Variants in RABGAP1L observed in about 807,000 individuals in gnomAD.
The protein encoded by RABGAP1L is RAB GTPase activating protein 1 like.
A neutral mutation model predicts 137.7 loss-of-function variants in RABGAP1L; 63 were observed. That is an observed-to-expected ratio of 0.46 (90% CI 0.37 to 0.56). The LOEUF (loss-of-function observed/expected upper bound fraction) is 0.56. Among genes scored for constraint, RABGAP1L ranks in the 20% least tolerant of loss-of-function variants. RABGAP1L has a pLI of 0.00. For synonymous variants in RABGAP1L, 431 were observed against 433.7 expected (o/e 0.99, Z 0.08); for missense variants, 1,095 against 1,244.0 (o/e 0.88, Z 1.80).
At chr1:174,370,881 G>T (rs1349308901) in intron 11 of RABGAP1L, 98 bp from the exon 12 acceptor site, 3 of 538,648 alleles carry the variant, frequency 5.6e-6, no homozygotes, top group Non-Finnish European at 9.2e-6. Flanking sequence ...AGAGAAGCTG[G>T]TTTTATTAGA....
At chr1:174,511,639 T>C (rs1558296686) in intron 13 of RABGAP1L, among the ~76,000 whole-genome samples, 1 of 151,668 alleles carries the variant, frequency 6.6e-6, no homozygotes, top group East Asian at 1.9e-4. Flanking sequence ...TTTTTTTTTT[T>C]GAGATGGAGT....
chr1:174,925,723 C>T (rs775168342), intron 19 of RABGAP1L, among the ~76,000 whole-genome samples: 11 of 151,552 alleles, frequency 7.3e-5, no homozygotes, highest in South Asian at 6.2e-4. Context: ...TGAAAATGTT[C>T]TATATGTAAA....
intron 11 of RABGAP1L, among the ~76,000 whole-genome samples, chr1:174,361,126 A>G (rs577620040): frequency 6.6e-6 from 1 of 151,540 alleles, no homozygotes; most frequent in South Asian, 2.1e-4. Flanking sequence ...CATTGCACAC[A>G]TTGGTCTCTG....
intron 18 of RABGAP1L, among the ~76,000 whole-genome samples, chr1:174,802,762 T>A (rs550587951): frequency 2.6e-5 from 4 of 152,330 alleles, no homozygotes; most frequent in African/African-American, 9.6e-5. Flanking sequence ...AATATGGCTG[T>A]TAGTTGGGCT....
At position 174,459,555 on chromosome 1, in the gene RABGAP1L, T is replaced by TAA. The variant is rs1221287660; in HGVS notation, c.1710+65411_1710+65412insAA. On this transcript the variant is annotated intron_variant, in intron 13 of 25. Transcript: ENST00000681986. ...TACTTTAAATTATCTCTGAGTTACT[T>TAA]ACAATATCTAATACAATGTAAATGC... Among the ~76,000 whole-genome samples, 3 of 152,254 alleles carry TAA rather than the reference T, an allele frequency of 2.0e-5. 1 individual carries two copies. The highest frequency in any genetic ancestry group is 7.2e-5 in the African/African-American group (3 of 41,578).
chr1:174,371,987 G>A (rs1685147716), intron 12 of RABGAP1L, among the ~76,000 whole-genome samples: 1 of 152,052 alleles, frequency 6.6e-6, no homozygotes, highest in Admixed American at 6.6e-5. Context: ...TGGAGATTAG[G>A]TTTATCAAAT....
At chr1:174,206,544 C>T (rs1668514941) in intron 1 of RABGAP1L, among the ~76,000 whole-genome samples, 1 of 152,134 alleles carries the variant, frequency 6.6e-6, no homozygotes, top group Admixed American at 6.5e-5. Context: ...CATTCTAATT[C>T]TAATGCCTGA....
rs1438284468 is a variant in RABGAP1L at position 174,481,366 on chromosome 1, A to G, written c.1710+87221A>G. On this transcript the variant is annotated intron_variant, in intron 13 of 25. Coordinates refer to ENST00000681986, the MANE Select transcript of RABGAP1L (RefSeq NM_001366446.1). ...CTTTCTGTTGAGTGCTTCTCATGCT[A>G]CCTCAGTGGTACTTGTTAAATGTTT... Among the ~76,000 whole-genome samples the G allele has an allele frequency of 2.6e-5, 4 of 152,248 alleles. No individual in the cohort carries two copies. In the East Asian group the frequency reaches 5.8e-4, roughly 22 times the overall value.
chr1:174,324,786 AAAG>A (rs1358833067), intron 11 of RABGAP1L, among the ~76,000 whole-genome samples: 13 of 152,222 alleles, frequency 8.5e-5, no homozygotes, highest in Admixed American at 3.3e-4. Flanking sequence ...GGAGATTGTC[AAAG>A]AAGAAGTGAT....
chr1:174,310,156 C>T (rs1678687283), intron 11 of RABGAP1L, among the ~76,000 whole-genome samples: 7 of 152,056 alleles, frequency 4.6e-5, no homozygotes, highest in Admixed American at 4.6e-4. Flanking sequence ...ATATAACGGT[C>T]TATAACAGTA....
At chr1:174,599,825 T>G (rs886966986) in intron 13 of RABGAP1L, among the ~76,000 whole-genome samples, 3 of 152,338 alleles carry the variant, frequency 2.0e-5, no homozygotes, top group African/African-American at 7.2e-5. Flanking sequence ...TTAAATCTGC[T>G]TGGTGTTTTA....
intron 11 of RABGAP1L, among the ~76,000 whole-genome samples, chr1:174,347,737 GC>G (rs1185961204): frequency 6.6e-6 from 1 of 152,112 alleles, no homozygotes; most frequent in Non-Finnish European, 1.5e-5. Context: ...CTCATGATCT[GC>G]CCGCCTCGGC....
chr1:174,974,116 G>A (rs1437219045), intron 21 of RABGAP1L, among the ~76,000 whole-genome samples: 2 of 151,514 alleles, frequency 1.3e-5, no homozygotes, highest in Non-Finnish European at 2.9e-5. Flanking sequence ...AGCCTCCTGA[G>A]TAGCTGGGAC....
chr1:174,638,140 A>C (rs1674213730), intron 14 of RABGAP1L, among the ~76,000 whole-genome samples: 1 of 152,184 alleles, frequency 6.6e-6, no homozygotes, highest in African/African-American at 2.4e-5. Context: ...CATTGTTGAT[A>C]TCTAACATTC....
At chr1:174,213,693 G>A (rs1016154412) in intron 1 of RABGAP1L, among the ~76,000 whole-genome samples, 2 of 152,178 alleles carry the variant, frequency 1.3e-5, no homozygotes, top group Non-Finnish European at 2.9e-5. Context: ...CAATCGGTGT[G>A]ATACATCATA....
chr1:174,902,052 T>G (rs1451739408), intron 19 of RABGAP1L, among the ~76,000 whole-genome samples: 2 of 152,124 alleles, frequency 1.3e-5, no homozygotes, highest in Non-Finnish European at 2.9e-5. Flanking sequence ...AGCTAGCTCC[T>G]TCCACTGGAA....
intron 13 of RABGAP1L, among the ~76,000 whole-genome samples, chr1:174,489,082 A>G (rs1167626817): frequency 6.6e-6 from 1 of 152,006 alleles, no homozygotes; most frequent in African/African-American, 2.4e-5. Context: ...CCATGTCGCT[A>G]CAAAGGACAT....
Position 174,994,108 on chromosome 1 carries a change from C to G in RABGAP1L, c.*4107C>G, listed in dbSNP as rs1482249073. On this transcript the variant is annotated 3_prime_UTR_variant, in exon 26 of 26. Transcript: ENST00000681986. The stretch of plus-strand genomic sequence containing the variant: ...TCGCCATGCTGATAGTCACACTGAA[C>G]TAGAACTGTCCCAACACATTCTTCC... 2 of 152,222 alleles carry G rather than the reference C, an allele frequency of 1.3e-5. No individual in the cohort carries two copies. The highest frequency in any genetic ancestry group is 2.9e-5 in the Non-Finnish European group (2 of 68,054). The allele number at this position is 152,222 out of a possible 1,614,324, so 9.4% of individuals were successfully genotyped here. A position where few individuals can be genotyped will look rare whatever the true frequency, so the allele number is the denominator to read the frequency against.
At chr1:174,816,048 A>G (rs1192635926) in intron 19 of RABGAP1L, among the ~76,000 whole-genome samples, 2 of 151,752 alleles carry the variant, frequency 1.3e-5, no homozygotes, top group East Asian at 3.9e-4. Context: ...AGCTTCTTAA[A>G]CTTGGATTTT....
Sources: allele counts gnomAD v4.1 joint callset (sites outside exome capture counted in the v4.1 genomes callset), GRCh38; gene constraint gnomAD v4.1.1; transcripts MANE v1.5; gene names NCBI Gene and HGNC (gene_info 2026-07-23, HGNC 2026-07-21).